The following CAPN2 variants were observed in gnomAD, a reference collection of about 807,000 sequenced individuals.
CAPN2 encodes the protein calpain-2 catalytic subunit.
A neutral mutation model predicts 102.3 loss-of-function variants in CAPN2; 92 were observed. The observed-to-expected ratio is 0.90, with a 90% CI of 0.76 to 1.07. CAPN2 has a LOEUF of 1.07. Ranked by LOEUF, CAPN2 falls within the 50% of genes least tolerant of loss-of-function variation. The pLI is 0.00. For synonymous variants in CAPN2, 340 were observed against 355.4 expected (o/e 0.96, Z 0.49); for missense variants, 800 against 909.4 (o/e 0.88, Z 1.55).
At position 223,759,887 on chromosome 1, in the gene CAPN2, G is replaced by A. The variant is rs1217780813; in HGVS notation, c.1529+406G>A. Among the ~76,000 whole-genome samples, 1 of 151,960 alleles carries A rather than the reference G, an allele frequency of 6.6e-6. No homozygotes were observed. The highest frequency in any genetic ancestry group is 1.5e-5 in the Non-Finnish European group (1 of 67,970). ...CTAGCAGAGCCACCAAGGGTGTAAG[G>A]TGGGAACCATCTCAACGGTTCCCAC... On this transcript the variant is annotated intron_variant, in intron 12 of 20. Coordinates refer to ENST00000295006, the MANE Select transcript of CAPN2 (RefSeq NM_001748.5). This position sits in a 1 kb window ranked among gnomAD's most constrained non-coding sequence, Gnocchi z 4.6.
upstream of CAPN2, among the ~76,000 whole-genome samples, chr1:223,708,664 A>G (rs1259933776): frequency 1.3e-5 from 2 of 148,680 alleles, no homozygotes; most frequent in East Asian, 4.2e-4. Flanking sequence ...CCAGCTACTC[A>G]GGAGGCTGAG....
At chr1:223,736,282 C>T (rs1162283857) in intron 2 of CAPN2, among the ~76,000 whole-genome samples, 1 of 152,120 alleles carries the variant, frequency 6.6e-6, no homozygotes, top group Non-Finnish European at 1.5e-5. Context: ...CAAAGCCAGC[C>T]AAAGGGGAGT....
At chr1:223,712,958 C>CG (rs1446628954) in intron 1 of CAPN2, 81 bp downstream of exon 1, 115 of 1,047,818 alleles carry the variant, frequency 1.1e-4, no homozygotes, top group Middle Eastern at 3.5e-4. Flanking sequence ...CGCGCTGGGG[C>CG]GGGGGGCAGC....
At chr1:223,766,296 A>G (rs1661314666) in intron 15 of CAPN2, 71 bp from the exon 16 acceptor site, 1 of 1,120,140 alleles carries the variant, frequency 8.9e-7, no homozygotes, top group South Asian at 1.2e-5. Context: ...GAATATCTCC[A>G]TGATTGTGGA....
chr1:223,708,838 GAGAA>G (rs1167332361), upstream of CAPN2, among the ~76,000 whole-genome samples: 3 of 150,096 alleles, frequency 2.0e-5, no homozygotes, highest in South Asian at 2.1e-4. Context: ...AGAAGGGAGG[GAGAA>G]AGAAAGAAAA....
intron 1 of CAPN2, among the ~76,000 whole-genome samples, chr1:223,705,030 A>G (rs143460141): frequency 2.0e-4 from 30 of 152,196 alleles, no homozygotes; most frequent in African/African-American, 7.0e-4. Flanking sequence ...CCCCCAGTTC[A>G]TCCACTAAAG....
intron 14 of CAPN2, among the ~76,000 whole-genome samples, chr1:223,763,759 C>T (rs1212625546): frequency 2.0e-5 from 3 of 152,234 alleles, no homozygotes; most frequent in Non-Finnish European, 2.9e-5. Flanking sequence ...GTGAACTCTC[C>T]CTACTGCATC....
chr1:223,709,968 TAAA>T (rs1659696248), upstream of CAPN2, among the ~76,000 whole-genome samples: 1 of 152,118 alleles, frequency 6.6e-6, no homozygotes, highest in South Asian at 2.1e-4. Flanking sequence ...CTTAGAGTTA[TAAA>T]ATAACTCAAA....
At chr1:223,742,516 ATATT>A (rs1305557995) in intron 2 of CAPN2, among the ~76,000 whole-genome samples, 1,835 of 113,604 alleles carry the variant, frequency 0.016, 31 homozygotes, top group African/African-American at 0.063. Context: ...ATATATATAT[ATATT>A]TTTTTTTTTT....
intron 2 of CAPN2, among the ~76,000 whole-genome samples, chr1:223,743,271 T>C (rs1660669479): frequency 6.6e-6 from 1 of 152,212 alleles, no homozygotes; most frequent in South Asian, 2.1e-4. Flanking sequence ...AAGTGACCTC[T>C]GCCCCTCCGC....
chr1:223,774,300 G>A (rs112083550), intron 20 of CAPN2, among the ~76,000 whole-genome samples: 261 of 152,084 alleles, frequency 1.7e-3, no homozygotes, highest in African/African-American at 6.1e-3. Flanking sequence ...CTCGCTTCTC[G>A]TAGTCTTTGC....
intron 6 of CAPN2, 93 bp from the exon 7 acceptor site, chr1:223,750,797 C>T: frequency 3.4e-6 from 4 of 1,184,272 alleles, no homozygotes; most frequent in Non-Finnish European, 4.9e-6. Flanking sequence ...CCCCATACCT[C>T]CTGGCTCATG....
At chr1:223,715,638 A>T (rs1035827573) in intron 1 of CAPN2, among the ~76,000 whole-genome samples, 2 of 152,134 alleles carry the variant, frequency 1.3e-5, no homozygotes, top group African/African-American at 4.8e-5. Flanking sequence ...AGGGCCATGC[A>T]GGGGTACAGT....
At chr1:223,753,865 CCT>C (rs1380601949) in intron 9 of CAPN2, among the ~76,000 whole-genome samples, 3 of 152,106 alleles carry the variant, frequency 2.0e-5, no homozygotes, top group Non-Finnish European at 4.4e-5. Flanking sequence ...GAGTTCCATC[CCT>C]AAGATATGTT....
chr1:223,723,751 G>C (rs1660119006), intron 2 of CAPN2, among the ~76,000 whole-genome samples: 2 of 151,792 alleles, frequency 1.3e-5, no homozygotes, highest in Non-Finnish European at 2.9e-5. Flanking sequence ...CTCAGCTTTG[G>C]CCATGGTACC....
intron 2 of CAPN2, among the ~76,000 whole-genome samples, chr1:223,722,571 C>G (rs575336071): frequency 2.0e-5 from 3 of 151,586 alleles, no homozygotes; most frequent in Admixed American, 6.6e-5. Context: ...ATTACAGGTG[C>G]GAGTCACCAC....
rs966536816 is a variant in CAPN2, at chr1:223,712,614, G to A, written c.-27G>A. The stretch of plus-strand genomic sequence containing the variant: ...CGCGGAGTCGCCCCGACCTTTCTCT[G>A]CGCAGTACGGCCGCCGGGACCGCAG... On this transcript the variant is annotated 5_prime_UTR_variant, in exon 1 of 21. Transcript: ENST00000295006. 2 of 1,503,414 alleles carry A rather than the reference G, an allele frequency of 1.3e-6. No individual in the cohort carries two copies. Among genetic ancestry groups the A allele is most frequent in the Non-Finnish European group, 1.8e-6 (2 of 1,125,398 alleles). The allele number at this position is 1,503,414 out of a possible 1,614,324, so 93.1% of individuals were successfully genotyped here.
intron 3 of CAPN2, 109 bp from the exon 4 acceptor site, chr1:223,745,197 A>G (rs1419578715): frequency 1.4e-6 from 2 of 1,455,872 alleles, no homozygotes; most frequent in Admixed American, 1.9e-5. Context: ...GGATGCGCTC[A>G]TGGAACCTAT....
rs1279699870 is a variant in CAPN2, at chr1:223,756,051, CAA to C, written c.1305+404_1305+405del. 6.6e-6 allele frequency among the ~76,000 whole-genome samples: 1 copy of C among 152,228 alleles called. No individual in the cohort carries two copies. Among genetic ancestry groups the C allele is most frequent in the African/African-American group, 2.4e-5 (1 of 41,442 alleles). ...ATGGGTGCAGCTGCTCAGAGCTCGG[CAA>C]AGTCATTGGCCTGGATGGTGGAGAG... On this transcript the variant is annotated intron_variant, in intron 10 of 20. Transcript: ENST00000295006. The surrounding 1 kb of genome is among the most constrained non-coding windows in gnomAD (Gnocchi z 4.1).
Sources: allele counts gnomAD v4.1 joint callset (sites outside exome capture counted in the v4.1 genomes callset), GRCh38; gene constraint gnomAD v4.1.1; non-coding constraint Gnocchi (gnomAD v3.1); transcripts MANE v1.5; gene names NCBI Gene and HGNC (gene_info 2026-07-23, HGNC 2026-07-21).